GALNT16: variants seen among roughly 807,000 people sequenced by gnomAD.
The protein encoded by GALNT16 is UDP-GalNAc:polypeptide N-acetylgalactosaminyltransferase-like protein 1.
In GALNT16, 40 loss-of-function variants were observed where a neutral mutation model predicts 76.1. The ratio of observed to expected loss-of-function variants is 0.53; its 90% CI spans 0.41 to 0.68. The LOEUF is 0.68. Among genes scored for constraint, GALNT16 ranks in the 30% least tolerant of loss-of-function variants. GALNT16 has a pLI of 0.00. For synonymous variants in GALNT16, 276 were observed against 285.2 expected (o/e 0.97, Z 0.32); for missense variants, 621 against 731.9 (o/e 0.85, Z 1.75).
chr14:69,325,898 G>C, intron 4 of GALNT16, 64 bp from the exon 5 acceptor site: 2 of 1,333,258 alleles, frequency 1.5e-6, no homozygotes, highest in Non-Finnish European at 2.2e-6. Flanking sequence ...TTTCATGGCA[G>C]CCAAACCACT....
At chr14:69,271,932 C>T (rs2044411721) in intron 1 of GALNT16, among the ~76,000 whole-genome samples, 2 of 152,260 alleles carry the variant, frequency 1.3e-5, no homozygotes, top group East Asian at 1.9e-4. Flanking sequence ...GGTGAAATAA[C>T]ATTATTAAAG....
rs1313341995 is a variant in GALNT16 at position 69,347,120 on chromosome 14, G to A, written c.1352G>A (p.Gly451Asp). 5.6e-6 allele frequency: 9 copies of A among 1,613,806 alleles called. No individual in the cohort carries two copies. The highest frequency in any genetic ancestry group is 6.8e-6 in the Non-Finnish European group (8 of 1,179,910). The change falls in exon 13 of 15, where the codon GGT becomes GAT. Residue 451 changes from glycine to aspartate, a missense_variant. By Grantham distance (94) the Gly-to-Asp change is moderately conservative. Coordinates refer to ENST00000448469, the MANE Select transcript of GALNT16 (RefSeq NM_001168368.2). ...GAATCTCAGGGCCAGAACACAGCTG[G>A]TGACTTCCTGCTTGGAATGGGGATC... ...CLESQGQNTA[G>D]DFLLGMGICR...
rs150774678 is a variant in GALNT16, at chr14:69,260,404, G to A, written c.114G>A (p.Arg38=). The A allele has an allele frequency of 0.049, 78,681 of 1,603,944 alleles. 2,155 individuals are homozygous for A. The highest frequency in any genetic ancestry group is 0.077 in the Middle Eastern group (463 of 6,050). ...CCCACGCAGCATCCTCCGGCGGCCG[G>A]GGCGCGCAGAGGGCAGGCAGGAGGT... ...NRAHAASSGG[R]GAQRAGRRSE... is the part of the protein sequence containing the mutation. The change falls in exon 1 of 15, where the codon CGG becomes CGA. Residue 38 remains arginine (R), a synonymous_variant. Transcript: ENST00000448469.
chr14:69,284,727 C>T (rs915296583), intron 1 of GALNT16, among the ~76,000 whole-genome samples: 1 of 152,166 alleles, frequency 6.6e-6, no homozygotes, highest in Non-Finnish European at 1.5e-5. Flanking sequence ...GCTGTGTCCC[C>T]ACCCAAATCT....
Position 69,353,755 on chromosome 14 carries a change from T to C in GALNT16, c.*1587T>C, listed in dbSNP as rs1164632366. The C allele has an allele frequency of 6.6e-6, 1 of 152,102 alleles. No individual in the cohort carries two copies. Among genetic ancestry groups the C allele is most frequent in the Non-Finnish European group, 1.5e-5 (1 of 68,022 alleles). 9.4% of individuals were successfully genotyped at this position (152,102 alleles called of 1,614,324 possible). A position where few individuals can be genotyped will look rare whatever the true frequency, so the allele number is the denominator to read the frequency against. On this transcript the variant is annotated 3_prime_UTR_variant, in exon 15 of 15. Transcript: ENST00000448469. ...AAAAGTCCATGGCTTCTAAAAGAGG[T>C]CCCTGATCCCCAAAGGGCCTGAACC...
At chr14:69,323,880 A>G (rs1472213636) in intron 2 of GALNT16, among the ~76,000 whole-genome samples, 3 of 152,210 alleles carry the variant, frequency 2.0e-5, no homozygotes, top group Non-Finnish European at 4.4e-5. Context: ...GAGCAATTGT[A>G]ATAAAGAAGA....
At chr14:69,294,079 C>T (rs770898278) in intron 1 of GALNT16, among the ~76,000 whole-genome samples, 22 of 151,786 alleles carry the variant, frequency 1.4e-4, no homozygotes, top group Non-Finnish European at 2.5e-4. Flanking sequence ...TTAGTAGAGA[C>T]GGGTTTCACC....
intron 12 of GALNT16, among the ~76,000 whole-genome samples, chr14:69,342,181 G>T (rs1316934898): frequency 1.3e-5 from 2 of 152,106 alleles, no homozygotes; most frequent in Non-Finnish European, 2.9e-5. Context: ...GGCACAGTGG[G>T]TTATGCCTGT....
chr14:69,271,333 T>C (rs765839257), intron 1 of GALNT16, among the ~76,000 whole-genome samples: 1 of 151,898 alleles, frequency 6.6e-6, no homozygotes, highest in Non-Finnish European at 1.5e-5. Flanking sequence ...ACTTGGGAGA[T>C]CAGAAGGCCA....
At chr14:69,308,789 A>G (rs2044975463) in intron 1 of GALNT16, among the ~76,000 whole-genome samples, 1 of 152,220 alleles carries the variant, frequency 6.6e-6, no homozygotes, top group Admixed American at 6.5e-5. Flanking sequence ...TAGAAATGAA[A>G]CTTCTGCTAA....
Position 69,325,383 on chromosome 14 carries a change from G to A in GALNT16, c.481G>A (p.Val161Met). The change falls in exon 4 of 15, where the codon GTG (valine) becomes ATG (methionine). Residue 161 changes from valine to methionine, a missense_variant. Coordinates refer to ENST00000448469, the MANE Select transcript of GALNT16 (RefSeq NM_001168368.2). ...PANLIQEIIL[V>M]DDFSSDPEDC... ...CAACTTGATCCAGGAGATCATTTTAGTGGATGACTTCAGCTCAGATCGTGA... is the reference window on the plus strand; with the variant it reads ...CAACTTGATCCAGGAGATCATTTTAATGGATGACTTCAGCTCAGATCGTGA... 5.0e-6 allele frequency: 8 copies of A among 1,596,570 alleles called. No individual in the cohort carries two copies. The highest frequency in any genetic ancestry group is 6.9e-6 in the Non-Finnish European group (8 of 1,164,026).
rs377352280 is a variant in GALNT16 at position 69,318,966 on chromosome 14, C to T, written c.178-1745C>T. On this transcript the variant is annotated intron_variant, in intron 1 of 14. Coordinates refer to ENST00000448469, the MANE Select transcript of GALNT16 (RefSeq NM_001168368.2). ...TCCTTTTGTCCCTCTCTCCCTCCTTCCTTCCTTCCATCTTCCGTCTTTCCT... is the reference window on the plus strand; with the variant it reads ...TCCTTTTGTCCCTCTCTCCCTCCTTTCTTCCTTCCATCTTCCGTCTTTCCT... Among the ~76,000 whole-genome samples, 48 of 152,374 alleles carry T rather than the reference C, an allele frequency of 3.2e-4. 1 individual carries two copies. The South Asian group carries it at 9.9e-3, about 32-fold the overall frequency.
intron 1 of GALNT16, among the ~76,000 whole-genome samples, chr14:69,284,210 C>T (rs1364175077): frequency 6.6e-6 from 1 of 152,162 alleles, no homozygotes; most frequent in Non-Finnish European, 1.5e-5. Flanking sequence ...TCTTCAGGCA[C>T]AAGGAAGCAG....
intron 1 of GALNT16, among the ~76,000 whole-genome samples, chr14:69,276,937 G>A (rs761944079): frequency 5.5e-4 from 84 of 152,112 alleles, no homozygotes; most frequent in Non-Finnish European, 7.9e-4. Flanking sequence ...AGCCTGTCAC[G>A]CACGTGGCAC....
At chr14:69,367,366 G>T in the GALNT16 span, among the ~76,000 whole-genome samples, 3 of 151,942 alleles carry the variant, frequency 2.0e-5, no homozygotes, top group Non-Finnish European at 1.5e-5. Context: ...CAGCCCTCAT[G>T]AATGGGATTA....
At chr14:69,299,869 C>T (rs551642221) in intron 1 of GALNT16, among the ~76,000 whole-genome samples, 11 of 152,294 alleles carry the variant, frequency 7.2e-5, no homozygotes, top group African/African-American at 2.6e-4. Context: ...GTGGAGGCTT[C>T]CCACAGATTC....
At chr14:69,371,736 G>C in the GALNT16 span, among the ~76,000 whole-genome samples, 1 of 151,702 alleles carries the variant, frequency 6.6e-6, no homozygotes, top group African/African-American at 2.4e-5. Flanking sequence ...ATGAGGTCAG[G>C]AGTTGGAGAC....
At chr14:69,269,515 ATG>A (rs2044379386) in intron 1 of GALNT16, among the ~76,000 whole-genome samples, 1 of 121,194 alleles carries the variant, frequency 8.3e-6, no homozygotes, top group Admixed American at 8.3e-5. Context: ...TGTGTGTGTG[ATG>A]TGTGGGGCTT....
chr14:69,260,182 G>C lies in GALNT16; in HGVS notation c.-109G>C, dbSNP rs1594802262. On this transcript the variant is annotated 5_prime_UTR_variant, in exon 1 of 15. Transcript: ENST00000448469. ...TCTCCTTTTTCTGCTCTGCAGGACT[G>C]AGCAGCTAGGCGCGAGCGAAAACAA... 2 of 445,852 alleles carry C rather than the reference G, an allele frequency of 4.5e-6. No homozygotes were observed. Among genetic ancestry groups the C allele is most frequent in the East Asian group, 7.0e-5 (1 of 14,364 alleles). 27.6% of individuals were successfully genotyped at this position (445,852 alleles called of 1,614,324 possible).
Sources: allele counts gnomAD v4.1 joint callset (sites outside exome capture counted in the v4.1 genomes callset), GRCh38; gene constraint gnomAD v4.1.1; transcripts MANE v1.5; gene names NCBI Gene and HGNC (gene_info 2026-07-23, HGNC 2026-07-21).